The following TRAPPC6B variants were observed in gnomAD, a reference collection of about 807,000 sequenced individuals.
TRAPPC6B encodes TRAPP complex subunit 6B.
Under a neutral mutation model 24.7 loss-of-function variants are expected in TRAPPC6B, and 27 were observed. The observed-to-expected ratio is 1.09, with a 90% confidence interval of 0.81 to 1.51. The LOEUF (loss-of-function observed/expected upper bound fraction) is 1.51. Among genes scored for constraint, TRAPPC6B ranks in the 40% most tolerant of loss-of-function variants. The pLI, the probability that TRAPPC6B is intolerant of heterozygous loss-of-function variation, is 0.00. For synonymous variants in TRAPPC6B, 80 were observed against 66.6 expected (o/e 1.20, Z -0.98); for missense variants, 212 against 190.8 (o/e 1.11, Z -0.66).
chr14:39,165,351 T>G (rs915891421), intron 1 of TRAPPC6B, among the ~76,000 whole-genome samples: 4 of 152,150 alleles, frequency 2.6e-5, no homozygotes, highest in Non-Finnish European at 5.9e-5. Context: ...GCATTCACAT[T>G]CTTTAAATTC....
intron 3 of TRAPPC6B, among the ~76,000 whole-genome samples, chr14:39,155,739 G>A (rs8006879): frequency 0.22 from 32,928 of 151,798 alleles, 4,010 homozygotes; most frequent in Middle Eastern, 0.36. Context: ...GTTTCACCAC[G>A]TTGGCCAGGC....
chr14:39,150,601 C>T (rs189079274), intron 5 of TRAPPC6B, among the ~76,000 whole-genome samples: 3 of 152,108 alleles, frequency 2.0e-5, no homozygotes, highest in Admixed American at 1.3e-4. Flanking sequence ...TGCAGTGGCA[C>T]GATCTCTGCT....
rs2053155151 is a variant in TRAPPC6B, at chr14:39,170,222, T to C, written c.-127A>G. 3 of 823,776 alleles carry C rather than the reference T, an allele frequency of 3.6e-6. No individual in the cohort carries two copies. In the African/African-American group the frequency reaches 5.1e-5, roughly 14 times the overall value. The allele number at this position is 823,776 out of a possible 1,614,324, so 51.0% of individuals were successfully genotyped here. A position where few individuals can be genotyped will look rare whatever the true frequency, so the allele number is the denominator to read the frequency against. ...CAGGCCGCCATTCTATCCCTGTGGC[T>C]AAGAGACCGAGGTATTCACACGACT... is the stretch of plus-strand genomic sequence containing the variant. On this transcript the variant is annotated 5_prime_UTR_variant, in exon 1 of 6. Transcript: ENST00000330149.
At chr14:39,160,667 A>T (rs1421039753) in intron 1 of TRAPPC6B, among the ~76,000 whole-genome samples, 1 of 152,002 alleles carries the variant, frequency 6.6e-6, no homozygotes, top group African/African-American at 2.4e-5. Flanking sequence ...AGAGAAAGAG[A>T]CAGAAACAGA....
chr14:39,164,223 T>A (rs761403926), intron 1 of TRAPPC6B, among the ~76,000 whole-genome samples: 1 of 152,218 alleles, frequency 6.6e-6, no homozygotes, highest in Non-Finnish European at 1.5e-5. Flanking sequence ...CGGCCGGGCA[T>A]GATGGCTCAC....
At chr14:39,154,102 G>C in intron 4 of TRAPPC6B, 109 bp downstream of exon 4, 3 of 664,250 alleles carry the variant, frequency 4.5e-6, no homozygotes, top group Non-Finnish European at 7.7e-6. Flanking sequence ...AAACAAAAAA[G>C]AACACCTTAA....
chr14:39,153,628 C>CAAAAAA (rs2052940842), intron 4 of TRAPPC6B, among the ~76,000 whole-genome samples: 1 of 139,328 alleles, frequency 7.2e-6, no homozygotes. Flanking sequence ...AAGACCTTGT[C>CAAAAAA]TTAAAAAAAA....
In TRAPPC6B at chr14:39,166,564, T is replaced by C. The variant is rs536242981; in HGVS notation, c.81+3451A>G. On this transcript the variant is annotated intron_variant, in intron 1 of 5. Transcript: ENST00000330149. ...CTTAAAGCAAGAATGATAATAGCCC[T>C]TCCCGAAACTAAATCACCTTTGCAA... is the stretch of plus-strand genomic sequence containing the variant. 7.8e-4 allele frequency among the ~76,000 whole-genome samples: 119 copies of C among 152,286 alleles called. 1 individual carries two copies. Among genetic ancestry groups the C allele is most frequent in the African/African-American group, 2.7e-3 (114 of 41,568 alleles).
At chr14:39,163,168 G>C (rs530598243) in intron 1 of TRAPPC6B, among the ~76,000 whole-genome samples, 1 of 150,270 alleles carries the variant, frequency 6.7e-6, no homozygotes. Context: ...TCAGGAGATC[G>C]AGATCATCCT....
At chr14:39,168,147 C>T (rs888350421) in intron 1 of TRAPPC6B, among the ~76,000 whole-genome samples, 5 of 149,016 alleles carry the variant, frequency 3.4e-5, no homozygotes, top group African/African-American at 4.9e-5. Flanking sequence ...ACCCAAGAGG[C>T]GGAGGCTGCA....
chr14:39,168,314 T>C (rs2139392045), intron 1 of TRAPPC6B, among the ~76,000 whole-genome samples: 1 of 151,662 alleles, frequency 6.6e-6, no homozygotes, highest in East Asian at 1.9e-4. Context: ...GATCGGGGGT[T>C]ATGACAAAAA....
intron 3 of TRAPPC6B, among the ~76,000 whole-genome samples, chr14:39,155,276 T>C (rs1228756161): frequency 6.6e-6 from 1 of 152,184 alleles, no homozygotes; most frequent in South Asian, 2.1e-4. Flanking sequence ...AGTTTCACTC[T>C]TGTTGCCCAG....
intron 1 of TRAPPC6B, among the ~76,000 whole-genome samples, chr14:39,162,328 T>C (rs978544175): frequency 6.6e-6 from 1 of 151,680 alleles, no homozygotes; most frequent in Non-Finnish European, 1.5e-5. Flanking sequence ...CTGGCTATTT[T>C]TTTTTTTTTT....
chr14:39,151,986 T>C (rs2052920935), intron 4 of TRAPPC6B, 147 bp from the exon 5 acceptor site: 1 of 604,988 alleles, frequency 1.7e-6, no homozygotes, highest in East Asian at 3.1e-5. Flanking sequence ...TACTGAAAAA[T>C]ATTGATATAT....
rs996539229 is a variant in TRAPPC6B, at chr14:39,149,979, T to G, written c.*371A>C. ...CAAATTCATACTTTATCAAAATTTG[T>G]TCATTCTTCTCACAAATAATTCTGT... On this transcript the variant is annotated 3_prime_UTR_variant, in exon 6 of 6. Transcript: ENST00000330149. 3 of 166,094 alleles carry G rather than the reference T, an allele frequency of 1.8e-5. No homozygotes were observed. The highest frequency in any genetic ancestry group is 7.1e-5 in the African/African-American group (3 of 42,042). The allele number at this position is 166,094 out of a possible 1,614,324, so 10.3% of individuals were successfully genotyped here.
At chr14:39,152,835 A>C (rs1242344162) in intron 4 of TRAPPC6B, among the ~76,000 whole-genome samples, 1 of 152,264 alleles carries the variant, frequency 6.6e-6, no homozygotes, top group African/African-American at 2.4e-5. Flanking sequence ...CCAAGATCCC[A>C]AAAAGTTAAG....
chr14:39,161,675 C>A (rs549739725), intron 1 of TRAPPC6B, among the ~76,000 whole-genome samples: 1 of 152,112 alleles, frequency 6.6e-6, no homozygotes, highest in Non-Finnish European at 1.5e-5. Flanking sequence ...ACTCTCTTAC[C>A]GTAGATGGCA....
chr14:39,158,307 T>C lies in TRAPPC6B; in HGVS notation c.245A>G (p.Asp82Gly). 6.3e-7 allele frequency: 1 copy of C among 1,592,566 alleles called. No individual in the cohort carries two copies. Among genetic ancestry groups the C allele is most frequent in the Non-Finnish European group, 8.5e-7 (1 of 1,170,066 alleles). ...FWTTVFKKQI[D>G]NLRTNHQGIY... The stretch of plus-strand genomic sequence containing the variant: ...TACCTGATGATTTGTCCTTAGATTG[T>C]CGATTTGTTTCTTGAATACCGTAGT... The change falls in exon 3 of 6, where the codon GAC (aspartate) becomes GGC (glycine). Residue 82 changes from aspartate to glycine, a missense_variant. Coordinates refer to ENST00000330149, the MANE Select transcript of TRAPPC6B (RefSeq NM_001079537.2).
At chr14:39,154,565 G>A (rs1322634318) in intron 3 of TRAPPC6B, among the ~76,000 whole-genome samples, 1 of 151,882 alleles carries the variant, frequency 6.6e-6, no homozygotes, top group Non-Finnish European at 1.5e-5. Flanking sequence ...GACTACAGGC[G>A]TGCATCACCA....
Sources: gnomAD v4.1 joint callset for allele counts (sites outside exome capture counted in the v4.1 genomes callset) on GRCh38, gnomAD v4.1.1 for gene constraint, MANE v1.5 for transcripts, NCBI Gene and HGNC (gene_info 2026-07-23, HGNC 2026-07-21) for gene names.